C1orf116: variants seen among roughly 807,000 people sequenced by gnomAD.
The protein encoded by C1orf116 is chromosome 1 open reading frame 116.
A neutral mutation model predicts 14.1 loss-of-function variants in C1orf116; 12 were observed. That is an observed-to-expected ratio of 0.85 (90% CI 0.54 to 1.38). C1orf116 has a LOEUF of 1.38. Among genes scored for constraint, C1orf116 ranks in the 40% most tolerant of loss-of-function variants. The pLI is 0.00. For synonymous variants in C1orf116, 296 were observed against 299.0 expected, an observed-to-expected ratio of 0.99 and a Z score of 0.10; for missense variants, 797 against 747.0, an observed-to-expected ratio of 1.07 and a Z score of -0.78.
rs1681815741 is a variant in C1orf116 at position 207,020,628 on chromosome 1, C to T, written c.*1330G>A. On this transcript the variant is annotated 3_prime_UTR_variant, in exon 4 of 4. Coordinates refer to ENST00000359470, the MANE Select transcript of C1orf116 (RefSeq NM_023938.6). ...CACGGAATTTGAGGGGAGAGGTGTT[C>T]TGGTTAATGATGAGTTACCATATAG... 6.6e-6 allele frequency: 1 copy of T among 152,146 alleles called. No individual in the cohort carries two copies. Among genetic ancestry groups the T allele is most frequent in the Non-Finnish European group, 1.5e-5 (1 of 68,026 alleles). The allele number at this position is 152,146 out of a possible 1,614,324, so 9.4% of individuals were successfully genotyped here.
intron 2 of C1orf116, among the ~76,000 whole-genome samples, chr1:207,025,912 A>G (rs530897362): frequency 2.6e-5 from 4 of 152,358 alleles, no homozygotes; most frequent in Non-Finnish European, 5.9e-5. Context: ...GAGTACATAG[A>G]GGTTTTTGGA....
chr1:207,027,085 C>G (rs1682100025), intron 2 of C1orf116, among the ~76,000 whole-genome samples: 1 of 152,182 alleles, frequency 6.6e-6, no homozygotes, highest in Admixed American at 6.5e-5. Flanking sequence ...GTTCCAGAAC[C>G]TAGGCTCCTA....
chr1:207,022,297 C>A lies in C1orf116; in HGVS notation c.1467G>T (p.Val489=). Residue 489 remains valine (V), a synonymous_variant, in exon 4 of 4, where the codon GTG becomes GTT. Coordinates refer to ENST00000359470, the MANE Select transcript of C1orf116 (RefSeq NM_023938.6). ...FKSNTLERSG[V]GLSSYLSTEK... is the part of the protein sequence containing the mutation. Reference sequence around the variant, plus strand: ...CAGTTGAAAGGTAGCTGCTCAGTCCCACGCCTGAGCGCTCCAGAGTGTTGG... The same window carrying A: ...CAGTTGAAAGGTAGCTGCTCAGTCCAACGCCTGAGCGCTCCAGAGTGTTGG... 1 of 1,613,750 alleles carries A rather than the reference C, an allele frequency of 6.2e-7. No individual in the cohort carries two copies. Among genetic ancestry groups the A allele is most frequent in the Non-Finnish European group, 8.5e-7 (1 of 1,179,826 alleles).
At chr1:207,023,739 G>C (rs1382012409) in intron 3 of C1orf116, among the ~76,000 whole-genome samples, 1 of 152,206 alleles carries the variant, frequency 6.6e-6, no homozygotes, top group East Asian at 1.9e-4. Context: ...CACTTTGGGA[G>C]GCCAAAGCAA....
rs780657010 is a variant in C1orf116, at chr1:207,022,044, A to AG, written c.1719dup (p.Cys574LeufsTer14). ...TTTGGGGAGATCTTGACACTGACAC[A>AG]GGGGGGGCGAGGAAGCTTGTCACGG... On this transcript the variant is annotated frameshift_variant, in exon 4 of 4. Transcript: ENST00000359470. LOFTEE classifies it high-confidence loss of function. 24 of 1,599,898 alleles carry AG rather than the reference A, an allele frequency of 1.5e-5. No individual in the cohort carries two copies. The highest frequency in any genetic ancestry group is 8.9e-5 in the East Asian group (4 of 44,812).
At chr1:207,028,667 T>C (rs1318426062) in intron 1 of C1orf116, among the ~76,000 whole-genome samples, 1 of 152,232 alleles carries the variant, frequency 6.6e-6, no homozygotes, top group East Asian at 1.9e-4. Context: ...TTCAATGTCA[T>C]TGTAACAATA....
chr1:207,028,095 C>T (rs1392903319), intron 1 of C1orf116, among the ~76,000 whole-genome samples: 3 of 152,122 alleles, frequency 2.0e-5, no homozygotes, highest in Non-Finnish European at 4.4e-5. Context: ...GTCTGTTTTT[C>T]CTCATTAAAT....
chr1:207,025,638 T>C (rs1156272286), intron 2 of C1orf116, among the ~76,000 whole-genome samples: 2 of 152,248 alleles, frequency 1.3e-5, no homozygotes, highest in Admixed American at 6.5e-5. Context: ...GTAGGAACTG[T>C]GGCATGACTG....
chr1:207,030,185 T>C (rs1189746371), intron 1 of C1orf116, among the ~76,000 whole-genome samples: 2 of 152,172 alleles, frequency 1.3e-5, no homozygotes, highest in African/African-American at 2.4e-5. Context: ...ACTGGAAACA[T>C]AGGCAGGATG....
Position 207,021,774 on chromosome 1 carries a change from A to G in C1orf116, c.*184T>C. 2 of 541,422 alleles carry G rather than the reference A, an allele frequency of 3.7e-6. No individual in the cohort carries two copies. The highest frequency in any genetic ancestry group is 1.0e-4 in the South Asian group (2 of 19,820). The allele number at this position is 541,422 out of a possible 1,614,324, so 33.5% of individuals were successfully genotyped here. A position where few individuals can be genotyped will look rare whatever the true frequency, so the allele number is the denominator to read the frequency against. ...CACACACACACACCCTCTTGTGGAG[A>G]TCACCTTCAGAATGATCCACATGGG... On this transcript the variant is annotated 3_prime_UTR_variant, in exon 4 of 4. Coordinates refer to ENST00000359470, the MANE Select transcript of C1orf116 (RefSeq NM_023938.6).
In C1orf116 at chr1:207,023,228, G is replaced by A; in HGVS notation, c.536C>T (p.Pro179Leu). 1.1e-5 allele frequency: 17 copies of A among 1,611,276 alleles called. No homozygotes were observed. The highest frequency in any genetic ancestry group is 1.4e-5 in the Non-Finnish European group (17 of 1,178,490). The change falls in exon 4 of 4, where the codon CCC becomes CTC. Residue 179 changes from proline (P) to leucine (L), a missense_variant. Physicochemically the swap from Pro to Leu is moderately conservative, Grantham distance 98. Transcript: ENST00000359470. Reference sequence around the variant, plus strand: ...CTGGGGGCTGGCAGGTGCCTGCCTGGGTTGGCTGCTCTGGCTGACCTGTTC... The same window carrying A: ...CTGGGGGCTGGCAGGTGCCTGCCTGAGTTGGCTGCTCTGGCTGACCTGTTC... ...EKEQVSQSSQPRQAPASPQEA... is the reference protein window; with the variant it reads ...EKEQVSQSSQLRQAPASPQEA...
rs764997468 is a variant in C1orf116, at chr1:207,023,362, G to C, written c.402C>G (p.Leu134=). 6.2e-7 allele frequency: 1 copy of C among 1,614,162 alleles called. No individual in the cohort carries two copies. Among genetic ancestry groups the C allele is most frequent in the Non-Finnish European group, 8.5e-7 (1 of 1,179,996 alleles). ...GLGLRSGSYS[L]PRNIHIARSQ... is the part of the protein sequence containing the mutation. ...TTCTGGCAATGTGGATATTCCTAGG[G>C]AGGCTGTAGGAGCCAGACCTGAGGC... The change falls in exon 4 of 4, where the codon CTC becomes CTG. Residue 134 remains leucine (L), a synonymous_variant. Coordinates refer to ENST00000359470, the MANE Select transcript of C1orf116 (RefSeq NM_023938.6).
chr1:207,021,582 T>C lies in C1orf116; in HGVS notation c.*376A>G, dbSNP rs1681848314. ...CACGTCCATTGTCTCATTTGACTTT[T>C]TGTCTCAGGCATGGCCAGCCCCTTC... On this transcript the variant is annotated 3_prime_UTR_variant, in exon 4 of 4. Coordinates refer to ENST00000359470, the MANE Select transcript of C1orf116 (RefSeq NM_023938.6). 6.1e-6 allele frequency: 1 copy of C among 163,396 alleles called. No homozygotes were observed. The highest frequency in any genetic ancestry group is 2.4e-5 in the African/African-American group (1 of 41,924). 10.1% of individuals were successfully genotyped at this position (163,396 alleles called of 1,614,324 possible).
Position 207,022,176 on chromosome 1 carries a change from G to A in C1orf116, c.1588C>T (p.Pro530Ser). 1 of 1,613,624 alleles carries A rather than the reference G, an allele frequency of 6.2e-7. No homozygotes were observed. Among genetic ancestry groups the A allele is most frequent in the Non-Finnish European group, 8.5e-7 (1 of 1,179,618 alleles). The change falls in exon 4 of 4, where the codon CCG (proline) becomes TCG (serine). Residue 530 changes from proline (P) to serine (S), a missense_variant. Pro to Ser is a moderately conservative substitution (Grantham distance 74, BLOSUM62 -1). Transcript: ENST00000359470. ...PSVLRNSRPRPASLGTGKDFA... is the reference protein window; with the variant it reads ...PSVLRNSRPRSASLGTGKDFA... ...TCTTTCCCCGTGCCCAGGGAGGCCGGGCGGGGCCGAGAATTACGTAAGACA... is the reference window on the plus strand; with the variant it reads ...TCTTTCCCCGTGCCCAGGGAGGCCGAGCGGGGCCGAGAATTACGTAAGACA...
In C1orf116 at chr1:207,021,797, GGGAACTCAAT is replaced by G. The variant is rs1179632162; in HGVS notation, c.*151_*160del. The G allele has an allele frequency of 3.6e-5, 23 of 643,926 alleles. No individual in the cohort carries two copies. The highest frequency in any genetic ancestry group is 5.1e-5 in the Non-Finnish European group (21 of 414,772). The allele number at this position is 643,926 out of a possible 1,614,324, so 39.9% of individuals were successfully genotyped here. A position where few individuals can be genotyped will look rare whatever the true frequency, so the allele number is the denominator to read the frequency against. ...AGATCACCTTCAGAATGATCCACAT[GGGAACTCAAT>G]GGCACAACACTGAATATAAATGTAT... On this transcript the variant is annotated 3_prime_UTR_variant, in exon 4 of 4. Coordinates refer to ENST00000359470, the MANE Select transcript of C1orf116 (RefSeq NM_023938.6).
chr1:207,021,713 T>C lies in C1orf116; in HGVS notation c.*245A>G, dbSNP rs1681852426. On this transcript the variant is annotated 3_prime_UTR_variant, in exon 4 of 4. Transcript: ENST00000359470. ...TGTTATATCAATAGCTTCAGTGATG[T>C]ATCCAGCGGCCCCCCCTCCACACAC... is the stretch of plus-strand genomic sequence containing the variant. 5.3e-6 allele frequency: 2 copies of C among 377,350 alleles called. No individual in the cohort carries two copies. The highest frequency in any genetic ancestry group is 4.1e-5 in the Admixed American group (1 of 24,316). The allele number at this position is 377,350 out of a possible 1,614,324, so 23.4% of individuals were successfully genotyped here.
chr1:207,026,241 G>C (rs1187022765), intron 2 of C1orf116, among the ~76,000 whole-genome samples: 2 of 152,220 alleles, frequency 1.3e-5, no homozygotes, highest in Non-Finnish European at 2.9e-5. Context: ...CCTTTCGCAT[G>C]TGGGCCTACA....
At chr1:207,026,412 C>A (rs146389890) in intron 2 of C1orf116, among the ~76,000 whole-genome samples, 1 of 152,212 alleles carries the variant, frequency 6.6e-6, no homozygotes, top group Admixed American at 6.5e-5. Context: ...CTTTGAAAAC[C>A]TTTAATCCCT....
In C1orf116 at chr1:207,022,037, C is replaced by A. The variant is rs767293124; in HGVS notation, c.1727G>T (p.Ser576Ile). The A allele has an allele frequency of 6.3e-7, 1 of 1,594,982 alleles. No individual in the cohort carries two copies. The highest frequency in any genetic ancestry group is 1.7e-5 in the Admixed American group (1 of 57,456). ...RDKLPRPPCV[S>I]VKISPKGVPN... ...GACACCCTTTGGGGAGATCTTGACACTGACACAGGGGGGGCGAGGAAGCTT... is the reference window on the plus strand; with the variant it reads ...GACACCCTTTGGGGAGATCTTGACAATGACACAGGGGGGGCGAGGAAGCTT... The change falls in exon 4 of 4, where the codon AGT (serine) becomes ATT (isoleucine). Residue 576 changes from serine (S) to isoleucine (I), a missense_variant. Coordinates refer to ENST00000359470, the MANE Select transcript of C1orf116 (RefSeq NM_023938.6).
Sources: allele counts gnomAD v4.1 joint callset (sites outside exome capture counted in the v4.1 genomes callset), GRCh38; gene constraint gnomAD v4.1.1; transcripts MANE v1.5; gene names NCBI Gene and HGNC (gene_info 2026-07-23, HGNC 2026-07-21).